Variants in ATF1 observed in about 807,000 individuals in gnomAD.
ATF1 encodes activating transcription factor 1.
In ATF1, 16 loss-of-function variants were observed where a neutral mutation model predicts 34.7. The ratio of observed to expected loss-of-function variants is 0.46; its 90% CI spans 0.31 to 0.70. The LOEUF (loss-of-function observed/expected upper bound fraction) is 0.70. Among genes scored for constraint, ATF1 ranks in the 30% least tolerant of loss-of-function variants. The probability of loss-of-function intolerance (pLI) is 0.05; values close to 1 mark genes in which losing one functional copy is unlikely to be tolerated. For synonymous variants in ATF1, 105 were observed against 113.1 expected (o/e 0.93, Z 0.46); for missense variants, 255 against 321.6 (o/e 0.79, Z 1.58).
In ATF1 at chr12:50,819,693, C is replaced by T. The variant is rs1941910387; in HGVS notation, c.730C>T (p.Arg244Ter). ...KKEYVKCLENRVAVLENQNKT... is the reference protein window; with the variant it reads ...KKEYVKCLEN ...AGAATATGTGAAATGCCTGGAAAAC[C>T]GAGTTGCAGTCCTGGAAAATCAAAA... Residue 244 changes from arginine to a stop codon, truncating the protein, a stop_gained, in exon 7 of 7, where the codon CGA (arginine) becomes TGA (stop). Transcript: ENST00000262053. LOFTEE classifies it high-confidence loss of function. 6.2e-7 allele frequency: 1 copy of T among 1,611,624 alleles called. No homozygotes were observed. Among genetic ancestry groups the T allele is most frequent in the East Asian group, 2.2e-5 (1 of 44,786 alleles).
At chr12:50,770,929 T>C (rs1940754692) in intron 1 of ATF1, among the ~76,000 whole-genome samples, 1 of 152,214 alleles carries the variant, frequency 6.6e-6, no homozygotes, top group Admixed American at 6.5e-5. Flanking sequence ...TTAGTTCCAG[T>C]GGTTGCCTGG....
chr12:50,807,357 T>TCATGC (rs1408385006), intron 3 of ATF1, among the ~76,000 whole-genome samples: 7 of 151,990 alleles, frequency 4.6e-5, no homozygotes, highest in African/African-American at 1.7e-4. Flanking sequence ...TGAGCCATGA[T>TCATGC]CATGCCACTG....
rs186624955 is a variant in ATF1, at chr12:50,771,927, G to A, written c.-7+7620G>A. 6.6e-5 allele frequency among the ~76,000 whole-genome samples: 10 copies of A among 152,276 alleles called. No homozygotes were observed. The East Asian group carries it at 1.9e-3, about 29-fold the overall frequency. On this transcript the variant is annotated intron_variant, in intron 1 of 6. Coordinates refer to ENST00000262053, the MANE Select transcript of ATF1 (RefSeq NM_005171.5). ...TACCCTGTATGGTTTAAAAAGGGGA[G>A]GCATGAAAAATCCACCCCTTGTTTA...
At chr12:50,799,716 C>T (rs992991645) in intron 3 of ATF1, among the ~76,000 whole-genome samples, 3 of 152,000 alleles carry the variant, frequency 2.0e-5, no homozygotes, top group Non-Finnish European at 2.9e-5. Flanking sequence ...AACACAGTAA[C>T]AGAGATAAAA....
chr12:50,809,526 T>C lies in ATF1; in HGVS notation c.265T>C (p.Ser89Pro), dbSNP rs774316329. 3.1e-6 allele frequency: 5 copies of C among 1,613,882 alleles called. No individual in the cohort carries two copies. The Admixed American group carries it at 8.3e-5, about 27-fold the overall frequency. The change falls in exon 4 of 7, where the codon TCT becomes CCT. Residue 89 changes from serine to proline, a missense_variant. By Grantham distance (74) the Ser-to-Pro change is moderately conservative (BLOSUM62 -1). This residue lies in a region of ATF1 where 221 missense variants were observed against 250.7 expected (regional missense o/e 0.88). Transcript: ENST00000262053. ...RKGDGENSGV[S>P]AAVTSMSVPT... ...AGGAGACGGAGAAAATTCTGGAGTT[T>C]CTGCTGCTGTCACTTCTATGTCTGT...
intron 3 of ATF1, among the ~76,000 whole-genome samples, chr12:50,802,670 G>A (rs1253660213): frequency 2.6e-5 from 4 of 151,554 alleles, no homozygotes; most frequent in South Asian, 2.1e-4. Context: ...TCAGGAGTTC[G>A]GGACCAGCCT....
chr12:50,783,119 G>A (rs1941107521), intron 2 of ATF1, among the ~76,000 whole-genome samples: 1 of 152,108 alleles, frequency 6.6e-6, no homozygotes, highest in Non-Finnish European at 1.5e-5. Flanking sequence ...GTAATGGATT[G>A]TTATTGTATT....
intron 3 of ATF1, among the ~76,000 whole-genome samples, chr12:50,804,543 C>T (rs368169133): frequency 1.3e-5 from 2 of 152,008 alleles, no homozygotes; most frequent in Non-Finnish European, 2.9e-5. Flanking sequence ...GTTAGCCAGG[C>T]GTGGTGATGT....
chr12:50,818,565 G>GTATC (rs1941887837), intron 6 of ATF1, among the ~76,000 whole-genome samples: 1 of 152,142 alleles, frequency 6.6e-6, no homozygotes, highest in South Asian at 2.1e-4. Flanking sequence ...GTTGCAAATA[G>GTATC]TATCTACATA....
chr12:50,776,061 C>T (rs761248403), intron 1 of ATF1, among the ~76,000 whole-genome samples: 3 of 152,040 alleles, frequency 2.0e-5, no homozygotes, highest in Non-Finnish European at 1.5e-5. Flanking sequence ...GCCTGTAATG[C>T]CAGCACTTTG....
chr12:50,806,510 C>A lies in ATF1; in HGVS notation c.195-2946C>A, dbSNP rs547241147. 12 of 244,444 alleles carry A rather than the reference C, an allele frequency of 4.9e-5. No individual in the cohort carries two copies. The South Asian group carries it at 5.3e-4, about 11-fold the overall frequency. The allele number at this position is 244,444 out of a possible 1,614,324, so 15.1% of individuals were successfully genotyped here. On this transcript the variant is annotated intron_variant, in intron 3 of 6. Coordinates refer to ENST00000262053, the MANE Select transcript of ATF1 (RefSeq NM_005171.5). ...GGGCTCAGGGCCTCTGCCTGCCCCACCAGGAGGCTGCACAGGCCAAGGCAC... is the reference window on the plus strand; with the variant it reads ...GGGCTCAGGGCCTCTGCCTGCCCCAACAGGAGGCTGCACAGGCCAAGGCAC...
chr12:50,796,795 C>T (rs1941416966), intron 3 of ATF1, among the ~76,000 whole-genome samples: 1 of 151,992 alleles, frequency 6.6e-6, no homozygotes, highest in African/African-American at 2.4e-5. Context: ...AGACCTGAAA[C>T]CATAAAAATC....
intron 1 of ATF1, among the ~76,000 whole-genome samples, chr12:50,767,935 C>T (rs531602374): frequency 1.8e-4 from 27 of 149,744 alleles, no homozygotes; most frequent in Non-Finnish European, 1.2e-4. Flanking sequence ...TGCAGTGGTG[C>T]GATCTCAGCT....
At position 50,767,916 on chromosome 12, in the gene ATF1, A is replaced by G. The variant is rs371332253; in HGVS notation, c.-7+3609A>G. 1.9e-4 allele frequency among the ~76,000 whole-genome samples: 28 copies of G among 145,850 alleles called. No individual in the cohort carries two copies. In the East Asian group the frequency reaches 5.3e-3, roughly 28 times the overall value. ...GAGATGGAGTCTTGCTCTGTCGCCC[A>G]GGCTGGAGTGCAGTGGTGCGATCTC... On this transcript the variant is annotated intron_variant, in intron 1 of 6. Coordinates refer to ENST00000262053, the MANE Select transcript of ATF1 (RefSeq NM_005171.5).
intron 6 of ATF1, among the ~76,000 whole-genome samples, chr12:50,816,060 C>T (rs760794404): frequency 2.6e-5 from 4 of 152,038 alleles, no homozygotes; most frequent in African/African-American, 7.2e-5. Context: ...TAGGGCTGGG[C>T]GTGGTGGCTT....
chr12:50,780,085 A>T, intron 1 of ATF1, 55 bp from the exon 2 acceptor site: 1 of 1,334,038 alleles, frequency 7.5e-7, no homozygotes. Flanking sequence ...TCTATAGTAT[A>T]CTGTAAACAT....
At chr12:50,782,554 C>CTTTTTTTT (rs1192258164) in intron 2 of ATF1, among the ~76,000 whole-genome samples, 4 of 124,932 alleles carry the variant, frequency 3.2e-5, no homozygotes, top group African/African-American at 6.1e-5. Context: ...CACACCCGGC[C>CTTTTTTTT]TTTTTTTTTT....
chr12:50,813,272 C>G (rs1324947332), intron 4 of ATF1, among the ~76,000 whole-genome samples: 1 of 152,132 alleles, frequency 6.6e-6, no homozygotes, highest in Non-Finnish European at 1.5e-5. Flanking sequence ...GATTACATTT[C>G]TTAACTATCA....
At chr12:50,815,853 A>G (rs10876097) in intron 6 of ATF1, among the ~76,000 whole-genome samples, 35,893 of 152,194 alleles carry the variant, frequency 0.24, 4,986 homozygotes, top group East Asian at 0.4. Flanking sequence ...CACAATAGCT[A>G]ATAGAATCAA....
Sources: gnomAD v4.1 joint callset for allele counts (sites outside exome capture counted in the v4.1 genomes callset) on GRCh38, gnomAD v4.1.1 for gene constraint, gnomAD v4.1.1 regional missense constraint, MANE v1.5 for transcripts, NCBI Gene and HGNC (gene_info 2026-07-23, HGNC 2026-07-21) for gene names.